The following TP53BP1 variants were observed in gnomAD, a reference collection of about 807,000 sequenced individuals.
TP53BP1 encodes tumor protein p53 binding protein 1, also known as TP53-binding protein 1.
TP53BP1 carries 61 observed loss-of-function variants against 200.8 expected under a neutral mutation model. The ratio of observed to expected loss-of-function variants is 0.30; its 90% CI spans 0.25 to 0.38. The LOEUF (loss-of-function observed/expected upper bound fraction) is 0.38, where lower values mean the gene tolerates loss of function less well. Ranked by LOEUF, TP53BP1 falls within the 10% of genes least tolerant of loss-of-function variation. The pLI, the probability that TP53BP1 is intolerant of heterozygous loss-of-function variation, is 1.00. For missense variants in TP53BP1, 2,144 were observed against 2,371.9 expected (o/e 0.90, Z 2.00); for synonymous variants, 822 against 844.3 (o/e 0.97, Z 0.46).
chr15:43,469,519 A>T (rs689596), intron 11 of TP53BP1, among the ~76,000 whole-genome samples: 42,877 of 152,014 alleles, frequency 0.28, 10,235 homozygotes, highest in African/African-American at 0.65. Context: ...AAAATTTATT[A>T]AAAAAAACCA....
At chr15:43,414,673 G>A (rs1284208475) in intron 23 of TP53BP1, among the ~76,000 whole-genome samples, 3 of 151,898 alleles carry the variant, frequency 2.0e-5, no homozygotes, top group South Asian at 2.1e-4. Context: ...GGGTTGTTTC[G>A]GGGATAATGG....
At chr15:43,432,779 C>A (rs1332985405) in intron 16 of TP53BP1, 102 bp from the exon 17 acceptor site, 1 of 1,295,974 alleles carries the variant, frequency 7.7e-7, no homozygotes. Flanking sequence ...AAGGGGGGAG[C>A]CATATTTTGA....
chr15:43,421,961 T>C lies in TP53BP1; in HGVS notation c.3994A>G (p.Ser1332Gly). The change falls in exon 19 of 28, where the codon AGT (serine) becomes GGT (glycine). Residue 1332 changes from serine (S) to glycine (G), a missense_variant. Around this residue, in one of 4 missense-constraint regions of TP53BP1, gnomAD observed 1,700 missense variants for 1,710.3 expected, o/e 0.99. Transcript: ENST00000382044. ...CCGGCTCCTTTCCCTGAGCTTCCAC[T>C]GCTGTGCATAGCTGAGAGACTTGTC... ...SGTSLSAMHSSGSSGKGAGPL... is the reference protein window; with the variant it reads ...SGTSLSAMHSGGSSGKGAGPL... The C allele has an allele frequency of 6.2e-7, 1 of 1,614,186 alleles. No homozygotes were observed. The highest frequency in any genetic ancestry group is 8.5e-7 in the Non-Finnish European group (1 of 1,180,034).
chr15:43,422,424 A>G (rs375208404), intron 18 of TP53BP1, among the ~76,000 whole-genome samples: 10 of 152,320 alleles, frequency 6.6e-5, no homozygotes, highest in African/African-American at 2.4e-4. Context: ...AATATAAAAT[A>G]AACATGGTAC....
At chr15:43,489,134 C>T (rs375471671) in intron 4 of TP53BP1, among the ~76,000 whole-genome samples, 3 of 152,124 alleles carry the variant, frequency 2.0e-5, no homozygotes, top group East Asian at 3.8e-4. Context: ...CTTCTGATTA[C>T]GTTATATATA....
In TP53BP1 at chr15:43,480,974, C is replaced by G. The variant is rs1366193659; in HGVS notation, c.420G>C (p.Lys140Asn). 2 of 1,614,058 alleles carry G rather than the reference C, an allele frequency of 1.2e-6. No homozygotes were observed. The highest frequency in any genetic ancestry group is 3.3e-5 in the Admixed American group (2 of 60,010). ...VESAPAVEEE[K>N]GEELEQKEKE... Reference sequence around the variant, plus strand: ...TCTCCTTCTGTTCCAACTCTTCTCCCTTCTCTTCCTCCACAGCAGGAGCAG... The same window carrying G: ...TCTCCTTCTGTTCCAACTCTTCTCCGTTCTCTTCCTCCACAGCAGGAGCAG... Residue 140 changes from lysine to asparagine, a missense_variant, in exon 5 of 28, where the codon AAG (lysine) becomes AAC (asparagine). Around this residue, in one of 4 missense-constraint regions of TP53BP1, gnomAD observed 1,700 missense variants for 1,710.3 expected, o/e 0.99. Transcript: ENST00000382044.
intron 18 of TP53BP1, among the ~76,000 whole-genome samples, chr15:43,425,847 C>G (rs1163492004): frequency 6.6e-6 from 1 of 152,056 alleles, no homozygotes; most frequent in Non-Finnish European, 1.5e-5. Context: ...AGGCGGATCA[C>G]GAGGTCAGGA....
chr15:43,453,305 A>G (rs1424883091), intron 12 of TP53BP1, among the ~76,000 whole-genome samples: 3 of 152,036 alleles, frequency 2.0e-5, no homozygotes, highest in East Asian at 1.9e-4. Context: ...ACATAATACA[A>G]TTAGAAAAAT....
rs141165201 is a variant in TP53BP1 at position 43,407,552 on chromosome 15, A to T, written c.5765T>A (p.Phe1922Tyr). 4 of 1,613,886 alleles carry T rather than the reference A, an allele frequency of 2.5e-6. No homozygotes were observed. The highest frequency in any genetic ancestry group is 3.4e-6 in the Non-Finnish European group (4 of 1,179,870). Reference protein sequence around the residue: ...AHNKDIALGVFDVVVTDPSCP... With the variant: ...AHNKDIALGVYDVVVTDPSCP... Reference sequence around the variant, plus strand: ...TGAGGGGTCCGTCACCACCACATCAAATACCCCTAAAGCAATATCTGCAAG... The same window carrying T: ...TGAGGGGTCCGTCACCACCACATCATATACCCCTAAAGCAATATCTGCAAG... Residue 1922 changes from phenylalanine to tyrosine, a missense_variant, in exon 28 of 28, where the codon TTT (phenylalanine) becomes TAT (tyrosine). Phe to Tyr is a conservative substitution (Grantham distance 22, BLOSUM62 3). Coordinates refer to ENST00000382044, the MANE Select transcript of TP53BP1 (RefSeq NM_001141980.3).
intron 4 of TP53BP1, among the ~76,000 whole-genome samples, chr15:43,487,194 G>C (rs1005299396): frequency 6.6e-6 from 1 of 152,060 alleles, no homozygotes; most frequent in Non-Finnish European, 1.5e-5. Flanking sequence ...ATGACAGGCA[G>C]CAAGTAAGCA....
At position 43,477,776 on chromosome 15, in the gene TP53BP1, AC is replaced by A. The variant is rs779156396; in HGVS notation, c.789-18del. On this transcript the variant is annotated intron_variant, in intron 7 of 27. Coordinates refer to ENST00000382044, the MANE Select transcript of TP53BP1 (RefSeq NM_001141980.3). ...TCCTCTGACCTAGGAAATTCATATC[AC>A]CAGGAGAAAAAGTTCCTAAGTTCAA... 6.6e-7 allele frequency: 1 copy of A among 1,506,868 alleles called. No homozygotes were observed. The highest frequency in any genetic ancestry group is 8.9e-7 in the Non-Finnish European group (1 of 1,127,124). 93.3% of individuals were successfully genotyped at this position (1,506,868 alleles called of 1,614,324 possible).
rs773481145 is a variant in TP53BP1 at position 43,470,050 on chromosome 15, C to T, written c.1197G>A (p.Thr399=). ...QEGRQDKPMD[T]SVLSEEGGEP... is the part of the protein sequence containing the mutation. ...CTCCTCCTTCTTCAGATAACACTGA[C>T]GTGTCCATTGGCTTATCTGGTTTAA... The change falls in exon 11 of 28, where the codon ACG becomes ACA. Residue 399 remains threonine (T), a synonymous_variant. Transcript: ENST00000382044. 20 of 1,612,862 alleles carry T rather than the reference C, an allele frequency of 1.2e-5. No homozygotes were observed. Among genetic ancestry groups the T allele is most frequent in the Middle Eastern group, 3.9e-4 (2 of 5,150 alleles).
At chr15:43,482,940 A>G (rs1033780125) in intron 4 of TP53BP1, among the ~76,000 whole-genome samples, 5 of 152,196 alleles carry the variant, frequency 3.3e-5, no homozygotes. Flanking sequence ...CAAAAAAAGA[A>G]AAGTGTGAAA....
At chr15:43,465,142 CAG>C (rs2140075935) in intron 11 of TP53BP1, among the ~76,000 whole-genome samples, 1 of 151,962 alleles carries the variant, frequency 6.6e-6, no homozygotes, top group South Asian at 2.1e-4. Context: ...TCTATAGAGA[CAG>C]AAAGTAGACT....
chr15:43,409,766 T>A, intron 24 of TP53BP1, 25 bp from the exon 25 acceptor site: 4 of 1,190,102 alleles, frequency 3.4e-6, no homozygotes, highest in Non-Finnish European at 4.7e-6. Flanking sequence ...AAAACCAAGA[T>A]AATAATTACT....
rs7171038 is a variant in TP53BP1 at position 43,404,895 on chromosome 15, C to G, written c.*2488G>C. ...CCCCGCCTTGCTGGTCCCTAGCTTC[C>G]GCATCTGTGAAAGGAGGCGACCACC... is the stretch of plus-strand genomic sequence containing the variant. On this transcript the variant is annotated 3_prime_UTR_variant, in exon 28 of 28. Transcript: ENST00000382044. 2.0e-6 allele frequency: 1 copy of G among 491,866 alleles called. No homozygotes were observed. The highest frequency in any genetic ancestry group is 2.0e-5 in the African/African-American group (1 of 51,268). The allele number at this position is 491,866 out of a possible 1,614,324, so 30.5% of individuals were successfully genotyped here. A position where few individuals can be genotyped will look rare whatever the true frequency, so the allele number is the denominator to read the frequency against.
At chr15:43,479,193 AACAG>A (rs901442865) in intron 7 of TP53BP1, among the ~76,000 whole-genome samples, 200 bp downstream of exon 7, 6 of 152,268 alleles carry the variant, frequency 3.9e-5, no homozygotes, top group South Asian at 2.1e-4. Context: ...CTTTGTTTCA[AACAG>A]ACAGACAGAC....
At chr15:43,457,636 C>T (rs988372297) in intron 11 of TP53BP1, among the ~76,000 whole-genome samples, 5 of 125,002 alleles carry the variant, frequency 4.0e-5, no homozygotes, top group African/African-American at 1.3e-4. Flanking sequence ...TGCACCACTG[C>T]ACTCCAGCCT....
Position 43,441,512 on chromosome 15 carries a change from C to A in TP53BP1, c.3098+14G>T, listed in dbSNP as rs777625361. 6.3e-7 allele frequency: 1 copy of A among 1,594,272 alleles called. No homozygotes were observed. The highest frequency in any genetic ancestry group is 1.1e-5 in the South Asian group (1 of 90,686). ...CTGTGTATTAAACTCTAAATAGCAT[C>A]CAGCTTTGGTTACCTGGCAACAGAC... is the stretch of plus-strand genomic sequence containing the variant. On this transcript the variant is annotated intron_variant, in intron 15 of 27. Transcript: ENST00000382044.
Sources: gnomAD v4.1 joint callset for allele counts (sites outside exome capture counted in the v4.1 genomes callset) on GRCh38, gnomAD v4.1.1 for gene constraint, gnomAD v4.1.1 regional missense constraint, MANE v1.5 for transcripts, NCBI Gene and HGNC (gene_info 2026-07-23, HGNC 2026-07-21) for gene names.